The following LRRC7 variants were observed in gnomAD, a reference collection of about 807,000 sequenced individuals.
The protein encoded by LRRC7 is leucine-rich repeat-containing protein 7.
A neutral mutation model predicts 175.7 loss-of-function variants in LRRC7; 23 were observed. That is an observed-to-expected ratio of 0.13 (90% CI 0.09 to 0.19). The LOEUF is 0.19. LRRC7 is among the 10% of genes least tolerant of loss of function. LRRC7 has a pLI of 1.00. For synonymous variants in LRRC7, 685 were observed against 680.9 expected (o/e 1.01, Z -0.09); for missense variants, 1,354 against 1,904.7 (o/e 0.71, Z 5.38).
intron 7 of LRRC7, among the ~76,000 whole-genome samples, chr1:69,912,226 A>T (rs1646553612): frequency 1.3e-5 from 2 of 151,454 alleles, no homozygotes; most frequent in South Asian, 4.1e-4. Context: ...TCAATAAAAT[A>T]TAGCCAGAAA....
chr1:69,749,808 A>G (rs1196366753), intron 2 of LRRC7, among the ~76,000 whole-genome samples: 2 of 152,076 alleles, frequency 1.3e-5, no homozygotes, highest in Non-Finnish European at 2.9e-5. Flanking sequence ...TCACGCCTGT[A>G]ATCCCAGCAC....
At chr1:69,927,960 T>C (rs1647140850) in intron 7 of LRRC7, among the ~76,000 whole-genome samples, 1 of 152,162 alleles carries the variant, frequency 6.6e-6, no homozygotes, top group Non-Finnish European at 1.5e-5. Flanking sequence ...TGGTCTTTGA[T>C]GATGGTGATG....
Position 70,036,618 on chromosome 1 carries a change from G to T in LRRC7, c.2282G>T (p.Gly761Val), listed in dbSNP as rs759218726. Residue 761 changes from glycine to valine, a missense_variant, in exon 20 of 27, where the codon GGT becomes GTT. Gly to Val is a moderately radical substitution (Grantham distance 109). Coordinates refer to ENST00000651989, the MANE Select transcript of LRRC7 (RefSeq NM_001370785.2). ...AKDAVHNSLWGNRIAPSFPQP... is the reference protein window; with the variant it reads ...AKDAVHNSLWVNRIAPSFPQP... ...GATGCAGTACATAATTCTTTGTGGG[G>T]TAACAGGTGTGTTTAGAATTCCCTC... 2 of 1,606,116 alleles carry T rather than the reference G, an allele frequency of 1.2e-6. No homozygotes were observed. The highest frequency in any genetic ancestry group is 1.1e-5 in the South Asian group (1 of 89,034).
intron 8 of LRRC7, among the ~76,000 whole-genome samples, chr1:69,972,953 C>A (rs1030627243): frequency 7.0e-6 from 1 of 143,048 alleles, no homozygotes; most frequent in African/African-American, 2.6e-5. Context: ...TATATAAATA[C>A]TATATATATA....
intron 6 of LRRC7, among the ~76,000 whole-genome samples, chr1:69,835,079 T>A (rs942620943): frequency 7.2e-5 from 11 of 151,776 alleles, no homozygotes; most frequent in African/African-American, 2.2e-4. Context: ...TCAAATAAAT[T>A]CTAGATGAAT....
At chr1:70,079,093 C>T (rs986690793) in intron 24 of LRRC7, among the ~76,000 whole-genome samples, 1 of 152,018 alleles carries the variant, frequency 6.6e-6, no homozygotes, top group Non-Finnish European at 1.5e-5. Context: ...AAAATTGAGA[C>T]CTTTTTAATA....
intron 8 of LRRC7, among the ~76,000 whole-genome samples, chr1:69,979,676 G>T (rs1653213857): frequency 6.6e-6 from 1 of 152,038 alleles, no homozygotes; most frequent in Admixed American, 6.6e-5. Flanking sequence ...CATGTAGTAG[G>T]CATCCCCAAC....
rs931847795 is a variant in LRRC7 at position 70,124,940 on chromosome 1, G to T, written c.*3053G>T. ...ATTAGAGGTAGAAAGAGCAAGTGAT[G>T]AAAATTACTAGTAAAATTGCAAATT... On this transcript the variant is annotated 3_prime_UTR_variant, in exon 27 of 27. Transcript: ENST00000651989. Among the ~76,000 whole-genome samples, 1 of 152,162 alleles carries T rather than the reference G, an allele frequency of 6.6e-6. No homozygotes were observed. Among genetic ancestry groups the T allele is most frequent in the Non-Finnish European group, 1.5e-5 (1 of 68,016 alleles).
At position 70,089,735 on chromosome 1, in the gene LRRC7, G is replaced by A; in HGVS notation, c.4461G>A (p.Val1487=). The change falls in exon 25 of 27, where the codon GTG becomes GTA. Residue 1487 remains valine, a synonymous_variant. Coordinates refer to ENST00000651989, the MANE Select transcript of LRRC7 (RefSeq NM_001370785.2). ...ATATCTTTTTTACATAGTTTTGTGTGAGAATAGAAAAGAATCCTGGCCTTG... is the reference window on the plus strand; with the variant it reads ...ATATCTTTTTTACATAGTTTTGTGTAAGAATAGAAAAGAATCCTGGCCTTG... ...SMDGYPEQFC[V]RIEKNPGLGF... 3 of 1,603,350 alleles carry A rather than the reference G, an allele frequency of 1.9e-6. No individual in the cohort carries two copies. The highest frequency in any genetic ancestry group is 2.6e-6 in the Non-Finnish European group (3 of 1,172,750).
intron 2 of LRRC7, among the ~76,000 whole-genome samples, chr1:69,747,315 GA>G (rs888477424): frequency 6.6e-6 from 1 of 152,126 alleles, no homozygotes; most frequent in African/African-American, 2.4e-5. Context: ...GACAGTTCAG[GA>G]GAAGAAACAG....
intron 1 of LRRC7, among the ~76,000 whole-genome samples, chr1:69,657,513 A>G (rs1656824463): frequency 6.6e-6 from 1 of 151,892 alleles, no homozygotes; most frequent in South Asian, 2.1e-4. Flanking sequence ...TCCAGGTGCT[A>G]TGTATCTGAA....
intron 4 of LRRC7, among the ~76,000 whole-genome samples, chr1:69,818,680 A>G (rs1425933723): frequency 6.6e-6 from 1 of 152,062 alleles, no homozygotes; most frequent in Non-Finnish European, 1.5e-5. Context: ...GGTTGATATT[A>G]ATTCTCCTTT....
intron 2 of LRRC7, among the ~76,000 whole-genome samples, chr1:69,702,255 A>G (rs781379292): frequency 6.6e-6 from 1 of 152,200 alleles, no homozygotes; most frequent in Non-Finnish European, 1.5e-5. Context: ...TTGACATGTC[A>G]CATGCCTATC....
intron 3 of LRRC7, among the ~76,000 whole-genome samples, chr1:69,767,655 G>A (rs139514169): frequency 6.6e-6 from 1 of 151,928 alleles, no homozygotes; most frequent in African/African-American, 2.4e-5. Context: ...TATGTTCTTC[G>A]TTATGTATAT....
In LRRC7 at chr1:70,127,462, A is replaced by G. The variant is rs972464164; in HGVS notation, c.*5575A>G. Among the ~76,000 whole-genome samples, 3 of 152,236 alleles carry G rather than the reference A, an allele frequency of 2.0e-5. No individual in the cohort carries two copies. The highest frequency in any genetic ancestry group is 4.4e-5 in the Non-Finnish European group (3 of 68,042). On this transcript the variant is annotated 3_prime_UTR_variant, in exon 27 of 27. Coordinates refer to ENST00000651989, the MANE Select transcript of LRRC7 (RefSeq NM_001370785.2). ...GAATATTGAGTCCCTTGGGATTTTA[A>G]CCATGTGATTATGTCAACCTTCCCT...
chr1:69,919,260 C>T, intron 7 of LRRC7: 1 of 464,516 alleles, frequency 2.2e-6, no homozygotes, highest in Non-Finnish European at 3.9e-6. Flanking sequence ...TTGTAGTACA[C>T]AAGCAGCCAA....
intron 7 of LRRC7, among the ~76,000 whole-genome samples, chr1:69,876,517 A>G (rs1406651185): frequency 6.6e-6 from 1 of 152,174 alleles, no homozygotes; most frequent in Non-Finnish European, 1.5e-5. Context: ...TCCAGAACAG[A>G]TGGGTTTAGA....
chr1:69,781,646 C>T (rs1369589983), intron 3 of LRRC7, among the ~76,000 whole-genome samples: 1 of 145,166 alleles, frequency 6.9e-6, no homozygotes, highest in African/African-American at 2.6e-5. Flanking sequence ...CATGCCACTG[C>T]ACTCCAGCCT....
chr1:70,036,376 T>G, intron 19 of LRRC7, 68 bp from the exon 20 acceptor site: 1 of 1,499,454 alleles, frequency 6.7e-7, no homozygotes, highest in Admixed American at 2.0e-5. Flanking sequence ...GTTTCCATTT[T>G]TCATACTTGC....
Sources: gnomAD v4.1 joint callset for allele counts (sites outside exome capture counted in the v4.1 genomes callset) on GRCh38, gnomAD v4.1.1 for gene constraint, MANE v1.5 for transcripts, NCBI Gene and HGNC (gene_info 2026-07-23, HGNC 2026-07-21) for gene names.